Variants in RASSF2 observed in about 807,000 individuals in gnomAD.
RASSF2 encodes Ras association domain family member 2.
A neutral mutation model predicts 46.3 loss-of-function variants in RASSF2; 34 were observed. That is an observed-to-expected ratio of 0.73 (90% CI 0.56 to 0.98). RASSF2 has a LOEUF of 0.98. RASSF2 is among the 50% of genes least tolerant of loss of function. The pLI is 0.00. For missense variants in RASSF2, 364 were observed against 431.2 expected (o/e 0.84, Z 1.38); for synonymous variants, 158 against 162.5 (o/e 0.97, Z 0.21).
Position 4,790,307 on chromosome 20 carries a change from A to G in RASSF2, c.537+144T>C. The stretch of plus-strand genomic sequence containing the variant: ...CCCTCAGGAAGCCAGCAGGGCTTGC[A>G]GCCCACCCACAACCCAAAGACTAAA... On this transcript the variant is annotated intron_variant, in intron 7 of 11. Coordinates refer to ENST00000379400, the MANE Select transcript of RASSF2 (RefSeq NM_014737.3). The surrounding 1 kb of genome is among the most constrained non-coding windows in gnomAD (Gnocchi z 4.3). 2 of 988,266 alleles carry G rather than the reference A, an allele frequency of 2.0e-6. No homozygotes were observed. Among genetic ancestry groups the G allele is most frequent in the Non-Finnish European group, 2.7e-6 (2 of 731,940 alleles). 61.2% of individuals were successfully genotyped at this position (988,266 alleles called of 1,614,324 possible). A position where few individuals can be genotyped will look rare whatever the true frequency, so the allele number is the denominator to read the frequency against.
chr20:4,789,018 A>G (rs1925616602), intron 8 of RASSF2, among the ~76,000 whole-genome samples: 1 of 152,140 alleles, frequency 6.6e-6, no homozygotes, highest in Non-Finnish European at 1.5e-5. Flanking sequence ...CTGTGTTCTT[A>G]GGTTGTTAGG....
intron 1 of RASSF2, 129 bp from the exon 2 acceptor site, chr20:4,822,532 C>T (rs1928768732): frequency 6.6e-6 from 1 of 152,330 alleles, no homozygotes; most frequent in African/African-American, 2.4e-5. Context: ...CCTCAGTCTC[C>T]CTATGAGGCC....
At chr20:4,802,511 C>G (rs1212353319) in intron 2 of RASSF2, among the ~76,000 whole-genome samples, 1 of 152,192 alleles carries the variant, frequency 6.6e-6, no homozygotes, top group Non-Finnish European at 1.5e-5. Context: ...GAAGGAAAGG[C>G]TGGCACATGC....
chr20:4,795,607 G>T lies in RASSF2; in HGVS notation c.287+208C>A. On this transcript the variant is annotated intron_variant, in intron 5 of 11. Transcript: ENST00000379400. The surrounding 1 kb of genome is among the most constrained non-coding windows in gnomAD (Gnocchi z 4.0). The stretch of plus-strand genomic sequence containing the variant: ...CAGCTCCCCTCCTGTGACCTCATCA[G>T]TGATTGCAGTGACAGGAAGGGGGCT... The T allele has an allele frequency of 3.9e-6, 2 of 516,844 alleles. No homozygotes were observed. Among genetic ancestry groups the T allele is most frequent in the Non-Finnish European group, 6.7e-6 (2 of 299,010 alleles). 32.0% of individuals were successfully genotyped at this position (516,844 alleles called of 1,614,324 possible).
At chr20:4,810,194 C>T (rs984291240) in intron 2 of RASSF2, among the ~76,000 whole-genome samples, 1 of 152,212 alleles carries the variant, frequency 6.6e-6, no homozygotes, top group Non-Finnish European at 1.5e-5. Flanking sequence ...GTCAGCGTCA[C>T]CCAAGCTCTG....
rs1925477518 is a variant in RASSF2, at chr20:4,787,644, C to G, written c.802G>C (p.Val268Leu). The G allele has an allele frequency of 6.2e-7, 1 of 1,614,060 alleles. No homozygotes were observed. The highest frequency in any genetic ancestry group is 8.5e-7 in the Non-Finnish European group (1 of 1,180,028). The change falls in exon 10 of 12, where the codon GTC becomes CTC. Residue 268 changes from valine (V) to leucine (L), a missense_variant. By Grantham distance (32) the Val-to-Leu change is conservative. Transcript: ENST00000379400. ...CAAAGGGAACTCACGTCGTAGGTGA[C>G]TTCCTCCACCTGGTCCTTCTCCATT... ...FLMEKDQVEE[V>L]TYDVAQYIKF...
At chr20:4,801,464 T>C (rs1021745601) in intron 2 of RASSF2, among the ~76,000 whole-genome samples, 6 of 152,186 alleles carry the variant, frequency 3.9e-5, no homozygotes, top group Non-Finnish European at 8.8e-5. Context: ...GTAAACCACC[T>C]GAAAATGCCC....
At chr20:4,806,458 T>C (rs1031896310) in intron 2 of RASSF2, among the ~76,000 whole-genome samples, 1 of 152,208 alleles carries the variant, frequency 6.6e-6, no homozygotes, top group Non-Finnish European at 1.5e-5. Flanking sequence ...TTGGTTCTTT[T>C]TTTTGAGACG....
intron 8 of RASSF2, among the ~76,000 whole-genome samples, chr20:4,788,728 T>C (rs6139554): frequency 0.37 from 56,231 of 152,148 alleles, 10,759 homozygotes; most frequent in East Asian, 0.61. Context: ...AAATGGATTA[T>C]AATCTTACGG....
At position 4,790,400 on chromosome 20, in the gene RASSF2, A is replaced by T; in HGVS notation, c.537+51T>A. On this transcript the variant is annotated intron_variant, in intron 7 of 11. Transcript: ENST00000379400. This position sits in a 1 kb window ranked among gnomAD's most constrained non-coding sequence, Gnocchi z 4.3. ...CATATGGCTGTAGCCCTGAGGTGGC[A>T]TCTACCCAGGAAGAGGTCTTCCACC... The T allele has an allele frequency of 7.1e-7, 1 of 1,401,922 alleles. No individual in the cohort carries two copies. Among genetic ancestry groups the T allele is most frequent in the African/African-American group, 1.5e-5 (1 of 66,972 alleles). 86.8% of individuals were successfully genotyped at this position (1,401,922 alleles called of 1,614,324 possible).
chr20:4,801,367 G>A (rs1442953422), intron 2 of RASSF2, among the ~76,000 whole-genome samples: 1 of 152,198 alleles, frequency 6.6e-6, no homozygotes, highest in Non-Finnish European at 1.5e-5. Context: ...TGACTGATGA[G>A]TCCTCCTCTC....
Position 4,792,561 on chromosome 20 carries a change from A to C in RASSF2, c.354T>G (p.Gly118=). Residue 118 remains glycine, a synonymous_variant, in exon 6 of 12, where the codon GGT becomes GGG. Coordinates refer to ENST00000379400, the MANE Select transcript of RASSF2 (RefSeq NM_014737.3). ...QISEVDAPPE[G]DQMPSSTDSR... is the part of the protein sequence containing the mutation. Reference sequence around the variant, plus strand: ...TACCTGTGGAGCTTGGCATCTGGTCACCCTCCGGCGGGGCATCCACCTCTG... The same window carrying C: ...TACCTGTGGAGCTTGGCATCTGGTCCCCCTCCGGCGGGGCATCCACCTCTG... The C allele has an allele frequency of 6.2e-7, 1 of 1,613,810 alleles. No homozygotes were observed. The highest frequency in any genetic ancestry group is 8.5e-7 in the Non-Finnish European group (1 of 1,179,954).
Position 4,795,860 on chromosome 20 carries a change from G to A in RASSF2, c.242C>T (p.Pro81Leu). 1 of 1,611,112 alleles carries A rather than the reference G, an allele frequency of 6.2e-7. No homozygotes were observed. Among genetic ancestry groups the A allele is most frequent in the South Asian group, 1.1e-5 (1 of 91,014 alleles). Reference sequence around the variant, plus strand: ...GCCAGAGTGCCAGGAGGAGGAGGATGGAGGGGGTCGAATGCGTTCGTTGTC... The same window carrying A: ...GCCAGAGTGCCAGGAGGAGGAGGATAGAGGGGGTCGAATGCGTTCGTTGTC... ...QDDNERIRPP[P>L]SSSSWHSGCN... The change falls in exon 5 of 12, where the codon CCA (proline) becomes CTA (leucine). Residue 81 changes from proline (P) to leucine (L), a missense_variant. Coordinates refer to ENST00000379400, the MANE Select transcript of RASSF2 (RefSeq NM_014737.3). The surrounding 1 kb of genome is among the most constrained non-coding windows in gnomAD (Gnocchi z 4.0).
In RASSF2 at chr20:4,784,309, C is replaced by G; in HGVS notation, c.945G>C (p.Arg315Ser). 6.2e-7 allele frequency: 1 copy of G among 1,613,988 alleles called. No homozygotes were observed. Among genetic ancestry groups the G allele is most frequent in the Non-Finnish European group, 8.5e-7 (1 of 1,179,960 alleles). ...YTVLRLMIRQ[R>S]LEEIAETPAT... The stretch of plus-strand genomic sequence containing the variant: ...CTGGGGTCTCGGCTATCTCCTCCAG[C>G]CTCTGTCGAATCATTAGCCGGAGCA... Residue 315 changes from arginine to serine, a missense_variant, in exon 12 of 12, where the codon AGG becomes AGC. By Grantham distance (110) the Arg-to-Ser change is moderately radical. Transcript: ENST00000379400.
chr20:4,808,385 C>T (rs140016909), intron 2 of RASSF2, among the ~76,000 whole-genome samples: 52 of 151,962 alleles, frequency 3.4e-4, no homozygotes, highest in African/African-American at 1.3e-3. Context: ...CATCAGCCAG[C>T]ATCTAGGCAC....
Position 4,803,929 on chromosome 20 carries a change from G to A in RASSF2, c.-32-2867C>T, listed in dbSNP as rs142531673. On this transcript the variant is annotated intron_variant, in intron 2 of 11. Transcript: ENST00000379400. ...AAAAATTAGCCAGATGTGCTAGCAT[G>A]CACCTCTGGTCCCAGCTACTAGGCA... is the stretch of plus-strand genomic sequence containing the variant. Among the ~76,000 whole-genome samples, 607 of 152,112 alleles carry A rather than the reference G, an allele frequency of 4.0e-3. 2 individuals carry two copies. The highest frequency in any genetic ancestry group is 0.014 in the African/African-American group (584 of 41,490).
At chr20:4,803,369 G>A (rs1927054465) in intron 2 of RASSF2, among the ~76,000 whole-genome samples, 1 of 152,136 alleles carries the variant, frequency 6.6e-6, no homozygotes, top group Admixed American at 6.5e-5. Flanking sequence ...TTGTCTTAGA[G>A]TCTCCAGAAA....
chr20:4,796,009 C>T, intron 4 of RASSF2, 43 bp from the exon 5 acceptor site: 1 of 1,463,770 alleles, frequency 6.8e-7, no homozygotes, highest in Non-Finnish European at 9.1e-7. Flanking sequence ...GAAAAGCCCC[C>T]ACAGAAGCCA....
intron 8 of RASSF2, among the ~76,000 whole-genome samples, chr20:4,788,543 A>C (rs1174998572): frequency 6.6e-6 from 1 of 152,244 alleles, no homozygotes; most frequent in African/African-American, 2.4e-5. Context: ...GTGTGCTTAC[A>C]GAAACCTGGA....
Sources: allele counts gnomAD v4.1 joint callset (sites outside exome capture counted in the v4.1 genomes callset), GRCh38; gene constraint gnomAD v4.1.1; non-coding constraint Gnocchi (gnomAD v3.1); transcripts MANE v1.5; gene names NCBI Gene and HGNC (gene_info 2026-07-23, HGNC 2026-07-21).